Variants in SMAD6 observed in about 807,000 individuals in gnomAD.
SMAD6 encodes the protein SMAD family member 6.
In SMAD6, 103 loss-of-function variants were observed where a neutral mutation model predicts 39.4. The observed-to-expected ratio is 2.62, with a 90% CI of 2.23 to 3.08. The LOEUF (loss-of-function observed/expected upper bound fraction) is 3.08, where lower values mean the gene tolerates loss of function less well. SMAD6 is among the 30% of genes most tolerant of loss of function. The pLI, the probability that SMAD6 is intolerant of heterozygous loss-of-function variation, is 0.00. For missense variants in SMAD6, 1,104 were observed against 742.9 expected (o/e 1.49, Z -5.65); for synonymous variants, 445 against 353.3 (o/e 1.26, Z -2.91).
chr15:66,745,410 G>T (rs181260408), intron 3 of SMAD6, among the ~76,000 whole-genome samples: 4 of 149,138 alleles, frequency 2.7e-5, no homozygotes, highest in African/African-American at 7.5e-5. Context: ...TCCTCACCCC[G>T]ACCTGGCTTC....
chr15:66,725,986 T>C (rs1893514585), intron 3 of SMAD6, among the ~76,000 whole-genome samples: 2 of 152,186 alleles, frequency 1.3e-5, no homozygotes, highest in South Asian at 4.1e-4. Context: ...GCCTTATGTA[T>C]GACATTCAGG....
At position 66,766,520 on chromosome 15, in the gene SMAD6, AC is replaced by A. The variant is rs1157366880; in HGVS notation, c.953-14476del. 3.4e-3 allele frequency among the ~76,000 whole-genome samples: 523 copies of A among 152,284 alleles called. 1 individual carries two copies. The highest frequency in any genetic ancestry group is 5.7e-3 in the Non-Finnish European group (388 of 68,016). The stretch of plus-strand genomic sequence containing the variant: ...TTCTCAGCATTAAATGAGATGGGAT[AC>A]GTGGACATAGATGCTCAGTAGCCAC... On this transcript the variant is annotated intron_variant, in intron 3 of 3. Transcript: ENST00000288840.
At chr15:66,733,345 T>C (rs1893662623) in intron 3 of SMAD6, among the ~76,000 whole-genome samples, 1 of 152,258 alleles carries the variant, frequency 6.6e-6, no homozygotes. Context: ...TGCTAGGGTT[T>C]TGATTGGGAT....
intron 3 of SMAD6, among the ~76,000 whole-genome samples, chr15:66,722,770 A>G (rs902110745): frequency 6.6e-6 from 1 of 150,664 alleles, no homozygotes; most frequent in Non-Finnish European, 1.5e-5. Flanking sequence ...TAGAGGTGTG[A>G]GGGGGGGTCG....
At chr15:66,757,164 C>T (rs1179397356) in intron 3 of SMAD6, among the ~76,000 whole-genome samples, 5 of 152,108 alleles carry the variant, frequency 3.3e-5, no homozygotes, top group African/African-American at 9.7e-5. Flanking sequence ...TCTAATAGAG[C>T]GGGCTGGTGT....
intron 3 of SMAD6, among the ~76,000 whole-genome samples, chr15:66,761,388 A>G (rs2140659231): frequency 6.6e-6 from 1 of 152,288 alleles, no homozygotes. Context: ...TTTGCAACGC[A>G]CATCCTTTGC....
At chr15:66,718,742 C>T (rs1160942906) in intron 3 of SMAD6, among the ~76,000 whole-genome samples, 2 of 152,130 alleles carry the variant, frequency 1.3e-5, no homozygotes, top group Non-Finnish European at 1.5e-5. Context: ...CGCCTGCCTA[C>T]TGGGAGCCCA....
rs940367613 is a variant in SMAD6 at position 66,747,373 on chromosome 15, C to T, written c.952+30875C>T. Among the ~76,000 whole-genome samples, 4 of 152,256 alleles carry T rather than the reference C, an allele frequency of 2.6e-5. No homozygotes were observed. Among genetic ancestry groups the T allele is most frequent in the Admixed American group, 1.3e-4 (2 of 15,288 alleles). On this transcript the variant is annotated intron_variant, in intron 3 of 3. Coordinates refer to ENST00000288840, the MANE Select transcript of SMAD6 (RefSeq NM_005585.5). The surrounding 1 kb of genome is among the most constrained non-coding windows in gnomAD (Gnocchi z 4.5). ...GCCTGGCTTTGATTTGGACTGCCTC[C>T]GTCAGCAGGAGGCTCTGGCCAGACT...
intron 1 of SMAD6, chr15:66,708,818 T>A: frequency 2.2e-6 from 1 of 449,088 alleles, no homozygotes; most frequent in Admixed American, 2.5e-5. Context: ...CTTTTTGCGA[T>A]AAAAAAAATG....
intron 1 of SMAD6, chr15:66,708,203 T>A (rs1893157544): frequency 6.5e-6 from 1 of 153,460 alleles, no homozygotes; most frequent in South Asian, 2.0e-4. Flanking sequence ...CCTGCGGTGC[T>A]CTAAAAGTTC....
At chr15:66,715,519 T>C (rs1267050994) in intron 2 of SMAD6, among the ~76,000 whole-genome samples, 2 of 152,150 alleles carry the variant, frequency 1.3e-5, no homozygotes, top group East Asian at 1.9e-4. Flanking sequence ...AGAAGATGTG[T>C]GTGCTGCAGG....
chr15:66,704,101 G>C lies in SMAD6; in HGVS notation c.817+26G>C, dbSNP rs771820557. 2.0e-4 allele frequency: 287 copies of C among 1,414,640 alleles called. 1 individual carries two copies. Among genetic ancestry groups the C allele is most frequent in the Non-Finnish European group, 2.5e-4 (267 of 1,089,746 alleles). The allele number at this position is 1,414,640 out of a possible 1,614,324, so 87.6% of individuals were successfully genotyped here. ...GTGAGCGCGCTGCGCCGGCCGGGGG[G>C]GCCCCGGGTCCCCGTCCCCATCCCC... On this transcript the variant is annotated intron_variant, in intron 1 of 3. Coordinates refer to ENST00000288840, the MANE Select transcript of SMAD6 (RefSeq NM_005585.5).
Position 66,716,420 on chromosome 15 carries a change from G to A in SMAD6, c.875-1G>A, listed in dbSNP as rs768925483. ...AGTTCTCTTTTTCTTTCCTCCCACA[G>A]ATCTGTCCGATTCCACATTGTCTTA... On this transcript the variant is annotated splice_acceptor_variant, in intron 2 of 3. Transcript: ENST00000288840. LOFTEE classifies it high-confidence loss of function. The A allele has an allele frequency of 3.7e-6, 6 of 1,611,120 alleles. No homozygotes were observed. Among genetic ancestry groups the A allele is most frequent in the Admixed American group, 1.7e-5 (1 of 60,002 alleles).
intron 3 of SMAD6, among the ~76,000 whole-genome samples, chr15:66,739,722 C>T (rs572932755): frequency 1.2e-4 from 18 of 152,234 alleles, no homozygotes; most frequent in African/African-American, 2.9e-4. Context: ...CAAAGAGATG[C>T]GGGGAGGGAA....
rs182485341 is a variant in SMAD6 at position 66,727,884 on chromosome 15, C to T, written c.952+11386C>T. 4.6e-5 allele frequency among the ~76,000 whole-genome samples: 7 copies of T among 151,704 alleles called. No homozygotes were observed. In the East Asian group the frequency reaches 1.4e-3, roughly 30 times the overall value. On this transcript the variant is annotated intron_variant, in intron 3 of 3. Transcript: ENST00000288840. ...TTTTTTTTTTAGAGATAGAGTGTTG[C>T]TCTTGTTGCCCAGGCTGGAGTGCAA...
chr15:66,720,780 C>T (rs1478442817), intron 3 of SMAD6, among the ~76,000 whole-genome samples: 2 of 152,180 alleles, frequency 1.3e-5, no homozygotes, highest in Admixed American at 6.5e-5. Context: ...GCAGGGCCCT[C>T]AGGGTGGGAG....
At chr15:66,773,911 G>A (rs551105214) in intron 3 of SMAD6, among the ~76,000 whole-genome samples, 1 of 152,264 alleles carries the variant, frequency 6.6e-6, no homozygotes, top group African/African-American at 2.4e-5. Context: ...ATGAGGGGCT[G>A]AGCAGGCCCT....
intron 3 of SMAD6, among the ~76,000 whole-genome samples, chr15:66,769,599 C>G (rs1166618721): frequency 1.3e-5 from 2 of 152,086 alleles, no homozygotes; most frequent in Non-Finnish European, 2.9e-5. Flanking sequence ...CTGGTTACCC[C>G]CTGGGACATT....
rs147427414 is a variant in SMAD6, at chr15:66,757,527, G to A, written c.953-23470G>A. Among the ~76,000 whole-genome samples the A allele has an allele frequency of 3.4e-4, 52 of 152,328 alleles. 1 individual carries two copies. The highest frequency in any genetic ancestry group is 7.2e-4 in the Admixed American group (11 of 15,304). On this transcript the variant is annotated intron_variant, in intron 3 of 3. Transcript: ENST00000288840. Reference sequence around the variant, plus strand: ...CTGAACCCAGGCTCACTCCTGAGGGGTGTCCAGCAGGACCCTCAGGCTGGG... The same window carrying A: ...CTGAACCCAGGCTCACTCCTGAGGGATGTCCAGCAGGACCCTCAGGCTGGG...
Sources: allele counts gnomAD v4.1 joint callset (sites outside exome capture counted in the v4.1 genomes callset), GRCh38; gene constraint gnomAD v4.1.1; non-coding constraint Gnocchi (gnomAD v3.1); transcripts MANE v1.5; gene names NCBI Gene and HGNC (gene_info 2026-07-23, HGNC 2026-07-21).